Variants in RANBP17 observed in about 807,000 individuals in gnomAD.
The protein encoded by RANBP17 is ran-binding protein 17.
In RANBP17, 158 loss-of-function variants were observed where a neutral mutation model predicts 141.2. That is an observed-to-expected ratio of 1.12 (90% CI 0.98 to 1.28). The LOEUF (loss-of-function observed/expected upper bound fraction) is 1.28. Ranked by LOEUF, RANBP17 falls within the 50% of genes most tolerant of loss-of-function variation. The probability of loss-of-function intolerance (pLI) is 0.00; values close to 1 mark genes in which losing one functional copy is unlikely to be tolerated. For synonymous variants in RANBP17, 430 were observed against 450.0 expected (o/e 0.96, Z 0.56); for missense variants, 1,438 against 1,290.7 (o/e 1.11, Z -1.75).
intron 14 of RANBP17, among the ~76,000 whole-genome samples, chr5:171,144,280 C>T (rs1311831285): frequency 1.3e-5 from 2 of 151,870 alleles, no homozygotes; most frequent in African/African-American, 2.4e-5. Flanking sequence ...GTAAGAGGAT[C>T]GCTTGAGCCC....
At chr5:171,061,818 C>G (rs907012486) in intron 14 of RANBP17, among the ~76,000 whole-genome samples, 53 of 152,258 alleles carry the variant, frequency 3.5e-4, no homozygotes, top group African/African-American at 1.1e-3. Context: ...GTAGGTCACT[C>G]AGGACTTGCT....
chr5:170,950,812 A>G (rs1413185967), intron 12 of RANBP17, among the ~76,000 whole-genome samples: 1 of 152,174 alleles, frequency 6.6e-6, no homozygotes, highest in Non-Finnish European at 1.5e-5. Context: ...CACAATAGCA[A>G]AGATATGGAA....
At chr5:171,241,889 AGTG>A (rs1764902295) in intron 23 of RANBP17, among the ~76,000 whole-genome samples, 1 of 152,208 alleles carries the variant, frequency 6.6e-6, no homozygotes, top group Non-Finnish European at 1.5e-5. Flanking sequence ...GCGAGTCTGA[AGTG>A]GGGATCAGGA....
At position 171,049,711 on chromosome 5, in the gene RANBP17, T is replaced by C. The variant is rs917821534; in HGVS notation, c.1710+81334T>C. Reference sequence around the variant, plus strand: ...TGACTAGCTAGTGATCCCAACACCATTTATTGAATATGAAGTTTTTTCCTC... The same window carrying C: ...TGACTAGCTAGTGATCCCAACACCACTTATTGAATATGAAGTTTTTTCCTC... On this transcript the variant is annotated intron_variant, in intron 14 of 27. Transcript: ENST00000523189. Among the ~76,000 whole-genome samples, 8 of 152,218 alleles carry C rather than the reference T, an allele frequency of 5.3e-5. 1 individual carries two copies. Among genetic ancestry groups the C allele is most frequent in the South Asian group, 4.1e-4 (2 of 4,826 alleles).
At chr5:170,914,728 T>C (rs752916322) in intron 8 of RANBP17, among the ~76,000 whole-genome samples, 5 of 152,194 alleles carry the variant, frequency 3.3e-5, no homozygotes, top group Non-Finnish European at 7.3e-5. Context: ...TTATTTATTT[T>C]TTGAATCAGT....
At chr5:171,015,111 G>A (rs1034683422) in intron 14 of RANBP17, among the ~76,000 whole-genome samples, 10 of 152,000 alleles carry the variant, frequency 6.6e-5, no homozygotes, top group African/African-American at 2.4e-4. Context: ...CTGGATTTAA[G>A]CAATTTGATT....
chr5:170,966,060 C>T (rs1200742771), intron 13 of RANBP17, among the ~76,000 whole-genome samples: 1 of 151,908 alleles, frequency 6.6e-6, no homozygotes, highest in Non-Finnish European at 1.5e-5. Flanking sequence ...AATAGCTTAC[C>T]AACCAAAAAG....
chr5:170,914,635 T>A (rs2127428543), intron 8 of RANBP17, among the ~76,000 whole-genome samples: 1 of 152,306 alleles, frequency 6.6e-6, no homozygotes, highest in African/African-American at 2.4e-5. Context: ...ATGTCTTAGG[T>A]TTGACAGGCT....
At chr5:171,220,022 T>G (rs1763454161) in intron 21 of RANBP17, among the ~76,000 whole-genome samples, 1 of 152,162 alleles carries the variant, frequency 6.6e-6, no homozygotes, top group Non-Finnish European at 1.5e-5. Flanking sequence ...TTTCCTCATC[T>G]TCGTGTATTT....
At chr5:170,863,750 C>G (rs1767011845) in intron 1 of RANBP17, 1 of 152,136 alleles carries the variant, frequency 6.6e-6, no homozygotes, top group Admixed American at 6.5e-5. Flanking sequence ...TCACCAAGCC[C>G]TGGAAGACTT....
intron 14 of RANBP17, among the ~76,000 whole-genome samples, chr5:171,033,669 A>G (rs1781690252): frequency 6.6e-6 from 1 of 152,028 alleles, no homozygotes. Context: ...ACTGTTGCCC[A>G]GGCTGGAGGG....
chr5:171,239,430 A>C (rs1764729567), intron 22 of RANBP17, among the ~76,000 whole-genome samples: 1 of 152,170 alleles, frequency 6.6e-6, no homozygotes, highest in Non-Finnish European at 1.5e-5. Context: ...TATGTCAGTC[A>C]AGCTTCAAAC....
At chr5:171,065,675 A>G (rs1390403702) in intron 14 of RANBP17, among the ~76,000 whole-genome samples, 2 of 152,114 alleles carry the variant, frequency 1.3e-5, no homozygotes, top group Non-Finnish European at 2.9e-5. Context: ...TTTATATGTA[A>G]TTGGATCTAA....
intron 3 of RANBP17, among the ~76,000 whole-genome samples, chr5:170,882,921 A>G (rs1290909428): frequency 6.6e-6 from 1 of 152,192 alleles, no homozygotes; most frequent in East Asian, 1.9e-4. Flanking sequence ...TGTTCATATT[A>G]GAAATAGATT....
At chr5:171,097,428 A>G (rs2127737611) in intron 14 of RANBP17, among the ~76,000 whole-genome samples, 1 of 152,056 alleles carries the variant, frequency 6.6e-6, no homozygotes, top group Non-Finnish European at 1.5e-5. Context: ...CATCTATGTA[A>G]TCTCTCTAAT....
chr5:171,253,177 C>G (rs1765687306), intron 24 of RANBP17, among the ~76,000 whole-genome samples: 1 of 152,172 alleles, frequency 6.6e-6, no homozygotes, highest in South Asian at 2.1e-4. Flanking sequence ...GATTTATTTG[C>G]TCAGGTATCA....
chr5:171,282,120 A>T (rs1377273151), intron 25 of RANBP17, among the ~76,000 whole-genome samples: 1 of 152,214 alleles, frequency 6.6e-6, no homozygotes, highest in Non-Finnish European at 1.5e-5. Flanking sequence ...TAAGTCTATA[A>T]ATACTTGGAA....
intron 22 of RANBP17, among the ~76,000 whole-genome samples, chr5:171,227,730 T>A (rs1763963197): frequency 6.6e-6 from 1 of 152,180 alleles, no homozygotes; most frequent in African/African-American, 2.4e-5. Flanking sequence ...AGACTGAGTC[T>A]CTTGTTAGGG....
At chr5:171,076,347 AT>A (rs1268827985) in intron 14 of RANBP17, among the ~76,000 whole-genome samples, 1 of 152,234 alleles carries the variant, frequency 6.6e-6, no homozygotes, top group East Asian at 1.9e-4. Flanking sequence ...GTTTCAGTCA[AT>A]ATCCTGAAGC....
Sources: allele counts gnomAD v4.1 joint callset (sites outside exome capture counted in the v4.1 genomes callset), GRCh38; gene constraint gnomAD v4.1.1; transcripts MANE v1.5; gene names NCBI Gene and HGNC (gene_info 2026-07-23, HGNC 2026-07-21).